The following GCN1 variants were observed in gnomAD, a reference collection of about 807,000 sequenced individuals.
GCN1 encodes GCN1 activator of EIF2AK4.
Under a neutral mutation model 288.4 loss-of-function variants are expected in GCN1, and 90 were observed. The observed-to-expected ratio is 0.31, with a 90% CI of 0.26 to 0.37. The LOEUF (loss-of-function observed/expected upper bound fraction) is 0.37. Ranked by LOEUF, GCN1 falls within the 10% of genes least tolerant of loss-of-function variation. The probability of loss-of-function intolerance (pLI) is 1.00; values close to 1 mark genes in which losing one functional copy is unlikely to be tolerated. For synonymous variants in GCN1, 1,386 were observed against 1,420.2 expected (o/e 0.98, Z 0.54); for missense variants, 2,586 against 3,419.9 (o/e 0.76, Z 6.08).
In GCN1 at chr12:120,127,821, C is replaced by A; in HGVS notation, c.*28G>T. 6.2e-7 allele frequency: 1 copy of A among 1,606,228 alleles called. No individual in the cohort carries two copies. The highest frequency in any genetic ancestry group is 8.5e-7 in the Non-Finnish European group (1 of 1,174,008). On this transcript the variant is annotated 3_prime_UTR_variant, in exon 58 of 58. Coordinates refer to ENST00000300648, the MANE Select transcript of GCN1 (RefSeq NM_006836.2). ...GAAAACATTGAGCAAAGATGTGGAG[C>A]GGCAATGCTGCTGCTGGCCCAGGCC...
At chr12:120,180,689 G>A (rs927478287) in intron 5 of GCN1, among the ~76,000 whole-genome samples, 5 of 151,076 alleles carry the variant, frequency 3.3e-5, no homozygotes, top group South Asian at 2.1e-4. Context: ...GCCACCCTCA[G>A]AAAACAGATA....
rs1224950530 is a variant in GCN1, at chr12:120,129,510, C to T, written c.7672-16G>A. Reference sequence around the variant, plus strand: ...TCTGCAGACACTGTAAAAAGAACCACAAACAGGCTTTTGGATAGGCATGTC... The same window carrying T: ...TCTGCAGACACTGTAAAAAGAACCATAAACAGGCTTTTGGATAGGCATGTC... On this transcript the variant is annotated splice_polypyrimidine_tract_variant and intron_variant, in intron 56 of 57. Coordinates refer to ENST00000300648, the MANE Select transcript of GCN1 (RefSeq NM_006836.2). 5 of 1,586,244 alleles carry T rather than the reference C, an allele frequency of 3.2e-6. No individual in the cohort carries two copies. The highest frequency in any genetic ancestry group is 4.3e-6 in the Non-Finnish European group (5 of 1,154,714).
At chr12:120,141,330 A>G (rs1435434776) in intron 44 of GCN1, among the ~76,000 whole-genome samples, 1 of 152,220 alleles carries the variant, frequency 6.6e-6, no homozygotes, top group East Asian at 1.9e-4. Flanking sequence ...TGGATGACTG[A>G]AGCCTTAACA....
intron 18 of GCN1, among the ~76,000 whole-genome samples, chr12:120,163,716 C>A (rs185561065): frequency 6.6e-6 from 1 of 152,032 alleles, no homozygotes; most frequent in Non-Finnish European, 1.5e-5. Flanking sequence ...AATAACAAGC[C>A]CTATTTGCCT....
At position 120,134,771 on chromosome 12, in the gene GCN1, C is replaced by A; in HGVS notation, c.7009-45G>T. 1 of 1,527,436 alleles carries A rather than the reference C, an allele frequency of 6.5e-7. No individual in the cohort carries two copies. The highest frequency in any genetic ancestry group is 9.1e-7 in the Non-Finnish European group (1 of 1,103,866). 94.6% of individuals were successfully genotyped at this position (1,527,436 alleles called of 1,614,324 possible). A position where few individuals can be genotyped will look rare whatever the true frequency, so the allele number is the denominator to read the frequency against. ...CCATGAAAGACAGTTGTGGTAGACCCAAAGCCACAGTGTACCACAGGCATG... is the reference window on the plus strand; with the variant it reads ...CCATGAAAGACAGTTGTGGTAGACCAAAAGCCACAGTGTACCACAGGCATG... On this transcript the variant is annotated intron_variant, in intron 51 of 57. Transcript: ENST00000300648. This position sits in a 1 kb window ranked among gnomAD's most constrained non-coding sequence, Gnocchi z 5.0.
At chr12:120,131,868 C>T (rs1171452246) in intron 54 of GCN1, 58 bp downstream of exon 54, 2 of 1,083,344 alleles carry the variant, frequency 1.8e-6, no homozygotes, top group African/African-American at 3.1e-5. Context: ...TGCCCGTCGA[C>T]TCTTCGCTAG....
intron 16 of GCN1, among the ~76,000 whole-genome samples, chr12:120,166,220 T>C (rs1282833486): frequency 2.3e-4 from 34 of 147,544 alleles, no homozygotes; most frequent in South Asian, 4.3e-4. Flanking sequence ...CTGGCCAACA[T>C]AGTAAAACCC....
chr12:120,141,021 A>T lies in GCN1; in HGVS notation c.5832T>A (p.Ile1944=). ...CAAGATCTCCCAATGTTCTCGCTGCAATCTGTCAACAGAGACCAATCCAGG... is the reference window on the plus strand; with the variant it reads ...CAAGATCTCCCAATGTTCTCGCTGCTATCTGTCAACAGAGACCAATCCAGG... ...LASTCADKRT[I]AARTLGDLVR... is the part of the protein sequence containing the mutation. The change falls in exon 45 of 58, where the codon ATT becomes ATA. Residue 1944 remains isoleucine, a splice_region_variant and synonymous_variant. Coordinates refer to ENST00000300648, the MANE Select transcript of GCN1 (RefSeq NM_006836.2). 1 of 1,612,174 alleles carries T rather than the reference A, an allele frequency of 6.2e-7. No homozygotes were observed. The highest frequency in any genetic ancestry group is 8.5e-7 in the Non-Finnish European group (1 of 1,178,870).
chr12:120,147,495 A>G (rs1322817831), intron 37 of GCN1, among the ~76,000 whole-genome samples: 1 of 152,156 alleles, frequency 6.6e-6, no homozygotes, highest in Non-Finnish European at 1.5e-5. Context: ...CAGCCTCCCA[A>G]AGCGCTGGAT....
chr12:120,149,619 C>T lies in GCN1; in HGVS notation c.4533G>A (p.Trp1511Ter), dbSNP rs1566303806. 1 of 1,612,960 alleles carries T rather than the reference C, an allele frequency of 6.2e-7. No individual in the cohort carries two copies. The highest frequency in any genetic ancestry group is 8.5e-7 in the Non-Finnish European group (1 of 1,179,170). Reference sequence around the variant, plus strand: ...GAGTGGTCTTACCAGCTTTGGTCCGCCACGATTCCTCCTCCAGGGCAGCCA... The same window carrying T: ...GAGTGGTCTTACCAGCTTTGGTCCGTCACGATTCCTCCTCCAGGGCAGCCA... ...SLLAALEEES[W>*]RTKAGSVELL... is the part of the protein sequence containing the mutation. Residue 1511 changes from tryptophan (W) to a stop codon, truncating the protein, a stop_gained, in exon 36 of 58, where the codon TGG becomes TGA. Transcript: ENST00000300648. LOFTEE classifies it high-confidence loss of function.
At chr12:120,162,635 T>C (rs983273683) in intron 20 of GCN1, among the ~76,000 whole-genome samples, 2 of 152,242 alleles carry the variant, frequency 1.3e-5, no homozygotes, top group Non-Finnish European at 2.9e-5. Context: ...TGAACCCCTG[T>C]AGCCAGTCAT....
rs1876730492 is a variant in GCN1, at chr12:120,129,264, C to T, written c.7890+12G>A. 1.3e-6 allele frequency: 2 copies of T among 1,599,660 alleles called. No homozygotes were observed. The highest frequency in any genetic ancestry group is 2.7e-5 in the African/African-American group (2 of 74,588). On this transcript the variant is annotated intron_variant, in intron 57 of 57. Transcript: ENST00000300648. Reference sequence around the variant, plus strand: ...TCACAGCACATCCTGGTGAGGCCCCCCAGGCTCCCACCTGAAACACCTCTT... The same window carrying T: ...TCACAGCACATCCTGGTGAGGCCCCTCAGGCTCCCACCTGAAACACCTCTT...
intron 38 of GCN1, among the ~76,000 whole-genome samples, chr12:120,145,950 A>T (rs1295861657): frequency 6.6e-6 from 1 of 152,224 alleles, no homozygotes; most frequent in Non-Finnish European, 1.5e-5. Flanking sequence ...TAGGAATGCC[A>T]TTTTTAAATG....
Position 120,134,117 on chromosome 12 carries a change from G to A in GCN1, c.7317+174C>T, listed in dbSNP as rs898601193. 1.3e-5 allele frequency among the ~76,000 whole-genome samples: 2 copies of A among 152,116 alleles called. No homozygotes were observed. Among genetic ancestry groups the A allele is most frequent in the Non-Finnish European group, 2.9e-5 (2 of 68,008 alleles). On this transcript the variant is annotated intron_variant, in intron 53 of 57. Transcript: ENST00000300648. The surrounding 1 kb of genome is among the most constrained non-coding windows in gnomAD (Gnocchi z 5.0). ...CCAATATATCCACAATACCTGCCCCGTTTCCCTTGAAACCCGAGGAAATGT... is the reference window on the plus strand; with the variant it reads ...CCAATATATCCACAATACCTGCCCCATTTCCCTTGAAACCCGAGGAAATGT...
chr12:120,136,483 A>G lies in GCN1; in HGVS notation c.7008+19T>C. On this transcript the variant is annotated intron_variant, in intron 51 of 57. Coordinates refer to ENST00000300648, the MANE Select transcript of GCN1 (RefSeq NM_006836.2). ...CAGACCTGTTCTCTAAGATCTGAAC[A>G]AACTCATCAGCCACTCACCTTAGCC... 1.9e-6 allele frequency: 3 copies of G among 1,581,994 alleles called. No individual in the cohort carries two copies. Among genetic ancestry groups the G allele is most frequent in the Non-Finnish European group, 2.6e-6 (3 of 1,150,760 alleles).
intron 16 of GCN1, among the ~76,000 whole-genome samples, chr12:120,165,163 C>A (rs977872733): frequency 3.3e-5 from 5 of 151,882 alleles, no homozygotes; most frequent in Non-Finnish European, 7.4e-5. Flanking sequence ...TCTCCTGCCT[C>A]GGCCTCTCGA....
At chr12:120,129,194 T>C (rs748858917) in intron 57 of GCN1, 82 bp downstream of exon 57, 2 of 1,051,518 alleles carry the variant, frequency 1.9e-6, no homozygotes, top group Non-Finnish European at 2.9e-6. Context: ...GAAGAGCCTG[T>C]GGTTTAAATA....
chr12:120,181,277 G>A (rs949047365), intron 5 of GCN1, among the ~76,000 whole-genome samples: 18 of 151,022 alleles, frequency 1.2e-4, no homozygotes, highest in Admixed American at 2.6e-4. Context: ...ACCAACCCGG[G>A]CAACAAAAGA....
chr12:120,153,676 C>T lies in GCN1; in HGVS notation c.3867+68G>A, dbSNP rs191067902. 3.9e-5 allele frequency: 57 copies of T among 1,472,922 alleles called. No homozygotes were observed. The highest frequency in any genetic ancestry group is 3.1e-4 in the Admixed American group (18 of 57,362). The allele number at this position is 1,472,922 out of a possible 1,614,324, so 91.2% of individuals were successfully genotyped here. A position where few individuals can be genotyped will look rare whatever the true frequency, so the allele number is the denominator to read the frequency against. On this transcript the variant is annotated intron_variant, in intron 32 of 57. Coordinates refer to ENST00000300648, the MANE Select transcript of GCN1 (RefSeq NM_006836.2). This position sits in a 1 kb window ranked among gnomAD's most constrained non-coding sequence, Gnocchi z 4.4. Reference sequence around the variant, plus strand: ...CTGCTCAGCCCTAGCGCCTGCCTCCCGTGTCTCCTTAGCGGGCTGGGACCC... The same window carrying T: ...CTGCTCAGCCCTAGCGCCTGCCTCCTGTGTCTCCTTAGCGGGCTGGGACCC...
Sources: gnomAD v4.1 joint callset for allele counts (sites outside exome capture counted in the v4.1 genomes callset) on GRCh38, gnomAD v4.1.1 for gene constraint, Gnocchi (gnomAD v3.1) non-coding constraint, MANE v1.5 for transcripts, NCBI Gene and HGNC (gene_info 2026-07-23, HGNC 2026-07-21) for gene names.